SORCS2: variants seen among roughly 807,000 people sequenced by gnomAD.
SORCS2 encodes the protein VPS10 domain-containing receptor SorCS2.
In SORCS2, 100 loss-of-function variants were observed where a neutral mutation model predicts 141.6. The ratio of observed to expected loss-of-function variants is 0.71; its 90% confidence interval spans 0.60 to 0.83. The LOEUF is 0.83. Ranked by LOEUF, SORCS2 falls within the 40% of genes least tolerant of loss-of-function variation. The probability of loss-of-function intolerance (pLI) is 0.00; values close to 1 mark genes in which losing one functional copy is unlikely to be tolerated. For missense variants in SORCS2, 1,646 were observed against 1,560.2 expected (o/e 1.05, Z -0.93); for synonymous variants, 789 against 676.9 (o/e 1.17, Z -2.57).
chr4:7,372,049 A>C (rs1168684600), intron 1 of SORCS2, among the ~76,000 whole-genome samples: 4 of 152,170 alleles, frequency 2.6e-5, no homozygotes, highest in African/African-American at 9.7e-5. Context: ...GGACAGGGTG[A>C]ACAAGTGGGT....
intron 1 of SORCS2, among the ~76,000 whole-genome samples, chr4:7,363,542 T>A (rs1721728113): frequency 2.3e-4 from 1 of 4,322 alleles, no homozygotes; most frequent in Non-Finnish European, 4.3e-4. Flanking sequence ...ACCATTACCA[T>A]CACCGTCACC....
At chr4:7,693,014 G>C (rs773578313) in intron 11 of SORCS2, among the ~76,000 whole-genome samples, 1 of 152,174 alleles carries the variant, frequency 6.6e-6, no homozygotes, top group Non-Finnish European at 1.5e-5. Flanking sequence ...TTAACCCCCC[G>C]GTGGAGAATC....
intron 1 of SORCS2, among the ~76,000 whole-genome samples, chr4:7,210,479 C>T (rs954243081): frequency 1.5e-4 from 23 of 152,188 alleles, no homozygotes; most frequent in Non-Finnish European, 7.3e-5. Flanking sequence ...TGAGATCTCG[C>T]TGTGTTGCCC....
chr4:7,729,485 G>A (rs1727452927), intron 22 of SORCS2, 102 bp from the exon 23 acceptor site: 2 of 1,422,814 alleles, frequency 1.4e-6, no homozygotes, highest in Admixed American at 4.3e-5. Context: ...TGTGAGACAG[G>A]TGTACAGGCC....
intron 2 of SORCS2, among the ~76,000 whole-genome samples, chr4:7,410,298 C>G (rs1367463429): frequency 6.6e-6 from 1 of 152,166 alleles, no homozygotes; most frequent in African/African-American, 2.4e-5. Flanking sequence ...ATATGCTTTG[C>G]CCTTTGGTCA....
intron 3 of SORCS2, among the ~76,000 whole-genome samples, chr4:7,538,028 G>T (rs1038117149): frequency 6.6e-6 from 1 of 152,140 alleles, no homozygotes; most frequent in Non-Finnish European, 1.5e-5. Flanking sequence ...AGCCAATAGA[G>T]GATTGACCCG....
chr4:7,417,059 T>C (rs1725749116), intron 2 of SORCS2, among the ~76,000 whole-genome samples: 1 of 152,162 alleles, frequency 6.6e-6, no homozygotes, highest in South Asian at 2.1e-4. Flanking sequence ...TATGATGCAT[T>C]TTAATGAAGC....
chr4:7,327,060 C>T (rs1719311445), intron 1 of SORCS2, among the ~76,000 whole-genome samples: 3 of 152,234 alleles, frequency 2.0e-5, no homozygotes, highest in Non-Finnish European at 4.4e-5. Flanking sequence ...CAGCTCTCCC[C>T]TGTCCCTGTT....
intron 1 of SORCS2, among the ~76,000 whole-genome samples, chr4:7,229,726 G>A (rs1385946842): frequency 6.6e-6 from 1 of 152,286 alleles, no homozygotes; most frequent in Non-Finnish European, 1.5e-5. Context: ...CCGTGGTCAA[G>A]TCTTCGAGTC....
intron 1 of SORCS2, among the ~76,000 whole-genome samples, chr4:7,305,099 T>C (rs1416937916): frequency 6.6e-6 from 1 of 150,980 alleles, no homozygotes; most frequent in African/African-American, 2.4e-5. Flanking sequence ...GTGAGTGATC[T>C]CAGCTCACTG....
chr4:7,561,631 T>TCCA (rs1560387562), intron 3 of SORCS2, among the ~76,000 whole-genome samples: 6 of 150,026 alleles, frequency 4.0e-5, no homozygotes, highest in African/African-American at 1.5e-4. Flanking sequence ...TATCTACCCA[T>TCCA]TCATCTACCC....
At chr4:7,414,028 A>G (rs1424556361) in intron 2 of SORCS2, among the ~76,000 whole-genome samples, 1 of 152,210 alleles carries the variant, frequency 6.6e-6, no homozygotes, top group Non-Finnish European at 1.5e-5. Context: ...AAGAGGTAGT[A>G]AGATACATGT....
intron 1 of SORCS2, among the ~76,000 whole-genome samples, chr4:7,370,085 T>C (rs1410617494): frequency 6.6e-6 from 1 of 152,174 alleles, no homozygotes; most frequent in Admixed American, 6.5e-5. Flanking sequence ...CCAGCTTAGC[T>C]GTTTGCGGCT....
intron 4 of SORCS2, among the ~76,000 whole-genome samples, chr4:7,641,818 G>A (rs113617418): frequency 0.15 from 7,513 of 49,786 alleles, 341 homozygotes; most frequent in Admixed American, 0.2. Context: ...GGATGGATGG[G>A]TGGGTGGATG....
rs763351049 is a variant in SORCS2 at position 7,396,333 on chromosome 4, G to A, written c.526G>A (p.Val176Ile). The change falls in exon 2 of 27, where the codon GTT (valine) becomes ATT (isoleucine). Residue 176 changes from valine (V) to isoleucine (I), a missense_variant. Val to Ile is a conservative substitution (Grantham distance 29). Coordinates refer to ENST00000507866, the MANE Select transcript of SORCS2 (RefSeq NM_020777.3). Reference protein sequence around the residue: ...TKYYHADMGKVLESSLWRSSD... With the variant: ...TKYYHADMGKILESSLWRSSD... ...GTACTACCACGCAGACATGGGGAAGGTTCTGGAAAGTTCTCTGTGGCGGTA... is the reference window on the plus strand; with the variant it reads ...GTACTACCACGCAGACATGGGGAAGATTCTGGAAAGTTCTCTGTGGCGGTA... 1 of 1,614,004 alleles carries A rather than the reference G, an allele frequency of 6.2e-7. No individual in the cohort carries two copies. Among genetic ancestry groups the A allele is most frequent in the South Asian group, 1.1e-5 (1 of 91,080 alleles).
intron 3 of SORCS2, among the ~76,000 whole-genome samples, chr4:7,597,245 GCTACGCAATAGGGGGAGGGA>G (rs1309309173): frequency 3.4e-5 from 5 of 146,978 alleles, no homozygotes; most frequent in Non-Finnish European, 7.5e-5. Flanking sequence ...AGGGAAGGAG[GCTACGCAATAGGGGGAGGGA>G]CTACGCAATA....
chr4:7,349,664 G>A (rs772309243), intron 1 of SORCS2, among the ~76,000 whole-genome samples: 2 of 152,254 alleles, frequency 1.3e-5, no homozygotes, highest in Non-Finnish European at 2.9e-5. Context: ...CCAGATGGAC[G>A]TGAGGCTCAC....
intron 4 of SORCS2, among the ~76,000 whole-genome samples, chr4:7,640,277 GGT>G (rs961426771): frequency 2.0e-3 from 291 of 142,846 alleles, no homozygotes; most frequent in African/African-American, 7.5e-3. Context: ...AGCATGTGTG[GGT>G]GTGTGTGAGC....
In SORCS2 at chr4:7,391,622, C is replaced by G. The variant is rs369308912; in HGVS notation, c.481-4666C>G. 7.1e-4 allele frequency among the ~76,000 whole-genome samples: 108 copies of G among 152,232 alleles called. 1 individual carries two copies. Among genetic ancestry groups the G allele is most frequent in the African/African-American group, 2.3e-3 (97 of 41,540 alleles). ...GGTACCCTCAGTCCCTCTGAGGGAG[C>G]GAGCAGGCCCTTCCCTGGAATAAAG... On this transcript the variant is annotated intron_variant, in intron 1 of 26. Coordinates refer to ENST00000507866, the MANE Select transcript of SORCS2 (RefSeq NM_020777.3).
Sources: allele counts gnomAD v4.1 joint callset (sites outside exome capture counted in the v4.1 genomes callset), GRCh38; gene constraint gnomAD v4.1.1; transcripts MANE v1.5; gene names NCBI Gene and HGNC (gene_info 2026-07-23, HGNC 2026-07-21).